The following TMPRSS11E variants were observed in gnomAD, a reference collection of about 807,000 sequenced individuals.
TMPRSS11E encodes the protein transmembrane serine protease 11E, also known as transmembrane protease serine 11E.
Under a neutral mutation model 48.1 loss-of-function variants are expected in TMPRSS11E, and 38 were observed. The observed-to-expected ratio is 0.79, with a 90% CI of 0.61 to 1.04. The LOEUF (loss-of-function observed/expected upper bound fraction) is 1.04. Ranked by LOEUF, TMPRSS11E falls within the 50% of genes least tolerant of loss-of-function variation. The pLI is 0.00. For synonymous variants in TMPRSS11E, 158 were observed against 171.9 expected, an observed-to-expected ratio of 0.92 and a Z score of 0.63; for missense variants, 530 against 510.8, an observed-to-expected ratio of 1.04 and a Z score of -0.36.
At chr4:68,480,227 C>G (rs2109704102) in intron 9 of TMPRSS11E, among the ~76,000 whole-genome samples, 1 of 151,894 alleles carries the variant, frequency 6.6e-6, no homozygotes, top group East Asian at 1.9e-4. Context: ...TCAGTCCCAC[C>G]TTCTTTCTTC....
intron 2 of TMPRSS11E, among the ~76,000 whole-genome samples, chr4:68,465,179 A>G (rs1397626647): frequency 6.6e-6 from 1 of 152,148 alleles, no homozygotes; most frequent in Non-Finnish European, 1.5e-5. Flanking sequence ...GTGAGGAAGG[A>G]TGGAGGAAGA....
intron 9 of TMPRSS11E, among the ~76,000 whole-genome samples, chr4:68,493,435 C>T (rs984946997): frequency 1.3e-5 from 2 of 152,064 alleles, no homozygotes; most frequent in African/African-American, 4.8e-5. Flanking sequence ...TTACAATATT[C>T]TACTTTCTTA....
intron 2 of TMPRSS11E, 66 bp downstream of exon 2, chr4:68,462,011 G>T (rs770396995): frequency 2.5e-6 from 4 of 1,597,288 alleles, no homozygotes; most frequent in South Asian, 2.2e-5. Flanking sequence ...TTGCTGTTTT[G>T]ATTTGCCTCA....
chr4:68,467,068 G>GTTCCTAAATATAT (rs1728947373), intron 3 of TMPRSS11E, among the ~76,000 whole-genome samples: 1 of 151,940 alleles, frequency 6.6e-6, no homozygotes, highest in Non-Finnish European at 1.5e-5. Flanking sequence ...AAATATATTT[G>GTTCCTAAATATAT]TTGTATCCTA....
In TMPRSS11E at chr4:68,484,009, T is replaced by G. The variant is rs184607948; in HGVS notation, c.1110+5018T>G. Among the ~76,000 whole-genome samples, 5 of 152,240 alleles carry G rather than the reference T, an allele frequency of 3.3e-5. No homozygotes were observed. The East Asian group carries it at 9.7e-4, about 29-fold the overall frequency. ...TTGATCTATGTGTCTACTTTTTTTGTACTAGCACCATGATCTTCTGGTTAC... is the reference window on the plus strand; with the variant it reads ...TTGATCTATGTGTCTACTTTTTTTGGACTAGCACCATGATCTTCTGGTTAC... On this transcript the variant is annotated intron_variant, in intron 9 of 9. Transcript: ENST00000305363.
intron 4 of TMPRSS11E, among the ~76,000 whole-genome samples, 185 bp from the exon 5 acceptor site, chr4:68,471,275 T>C (rs1195083209): frequency 1.3e-5 from 2 of 150,608 alleles, no homozygotes; most frequent in Non-Finnish European, 3.0e-5. Context: ...CTCTCCTTCC[T>C]CCCCTCCATT....
chr4:68,478,753 C>T (rs1729314822), intron 8 of TMPRSS11E, 96 bp from the exon 9 acceptor site: 4 of 1,365,376 alleles, frequency 2.9e-6, no homozygotes, highest in Non-Finnish European at 3.1e-6. Flanking sequence ...CCGTGCCTGG[C>T]CTGTATCACC....
At chr4:68,479,132 A>C in intron 9 of TMPRSS11E, 141 bp downstream of exon 9, 93 of 936,586 alleles carry the variant, frequency 9.9e-5, no homozygotes, top group Non-Finnish European at 1.3e-4. Flanking sequence ...ATTACATCTC[A>C]CATAACTATA....
Position 68,496,673 on chromosome 4 carries a change from G to T in TMPRSS11E, c.1141G>T (p.Asp381Tyr). 1 of 1,613,512 alleles carries T rather than the reference G, an allele frequency of 6.2e-7. No individual in the cohort carries two copies. Among genetic ancestry groups the T allele is most frequent in the Non-Finnish European group, 8.5e-7 (1 of 1,179,600 alleles). Residue 381 changes from aspartate to tyrosine, a missense_variant, in exon 10 of 10, where the codon GAT becomes TAT. By Grantham distance (160) the Asp-to-Tyr change is radical. Transcript: ENST00000305363. ...GDSGGPLVSS[D>Y]ARDIWYLAGI... ...CTCTGGAGGACCACTGGTTAGTTCA[G>T]ATGCTAGAGATATCTGGTACCTTGC...
At position 68,471,510 on chromosome 4, in the gene TMPRSS11E, A is replaced by C. The variant is rs779306840; in HGVS notation, c.377A>C (p.His126Pro). 5 of 1,603,418 alleles carry C rather than the reference A, an allele frequency of 3.1e-6. No individual in the cohort carries two copies. The highest frequency in any genetic ancestry group is 4.3e-6 in the Non-Finnish European group (5 of 1,175,882). The part of the protein sequence containing the change: ...LAHMLLICRF[H>P]STEDPETVDK... Reference sequence around the variant, plus strand: ...CATATGCTGTTGATTTGTAGATTTCACTCTACTGAGGATCCTGAAACTGTA... The same window carrying C: ...CATATGCTGTTGATTTGTAGATTTCCCTCTACTGAGGATCCTGAAACTGTA... The change falls in exon 5 of 10, where the codon CAC (histidine) becomes CCC (proline). Residue 126 changes from histidine to proline, a missense_variant. Transcript: ENST00000305363.
chr4:68,484,363 G>A (rs1729493605), intron 9 of TMPRSS11E, among the ~76,000 whole-genome samples: 1 of 152,130 alleles, frequency 6.6e-6, no homozygotes, highest in South Asian at 2.1e-4. Context: ...CTGGAGTGCA[G>A]TGCCACAACT....
intron 1 of TMPRSS11E, among the ~76,000 whole-genome samples, chr4:68,456,491 C>T (rs1327997278): frequency 6.6e-6 from 1 of 151,660 alleles, no homozygotes; most frequent in African/African-American, 2.4e-5. Flanking sequence ...ATATATAATC[C>T]ATGCACGTAT....
intron 1 of TMPRSS11E, among the ~76,000 whole-genome samples, chr4:68,459,348 G>A (rs761806252): frequency 1.3e-5 from 2 of 151,262 alleles, no homozygotes; most frequent in African/African-American, 2.4e-5. Context: ...TATGTCTCTC[G>A]CTCTCTTTTT....
At chr4:68,471,689 A>G in intron 5 of TMPRSS11E, 66 bp downstream of exon 5, 1 of 1,336,840 alleles carries the variant, frequency 7.5e-7, no homozygotes, top group African/African-American at 1.5e-5. Context: ...CTTGGCACTT[A>G]TTAAAAAATT....
intron 3 of TMPRSS11E, among the ~76,000 whole-genome samples, chr4:68,467,525 A>G (rs1383392678): frequency 6.6e-6 from 1 of 152,170 alleles, no homozygotes; most frequent in Non-Finnish European, 1.5e-5. Flanking sequence ...TGTATCTCCA[A>G]TGGTATCTAC....
At position 68,496,668 on chromosome 4, in the gene TMPRSS11E, G is replaced by T. The variant is rs1729875002; in HGVS notation, c.1136G>T (p.Ser379Ile). 6.2e-7 allele frequency: 1 copy of T among 1,613,492 alleles called. No homozygotes were observed. The highest frequency in any genetic ancestry group is 1.3e-5 in the African/African-American group (1 of 75,002). The change falls in exon 10 of 10, where the codon AGT becomes ATT. Residue 379 changes from serine to isoleucine, a missense_variant. By Grantham distance (142) the Ser-to-Ile change is moderately radical (BLOSUM62 -2). Transcript: ENST00000305363. ...GGTGACTCTGGAGGACCACTGGTTA[G>T]TTCAGATGCTAGAGATATCTGGTAC... is the stretch of plus-strand genomic sequence containing the variant. ...CQGDSGGPLV[S>I]SDARDIWYLA...
intron 6 of TMPRSS11E, among the ~76,000 whole-genome samples, chr4:68,475,676 A>G (rs1485820336): frequency 1.3e-5 from 2 of 152,066 alleles, no homozygotes; most frequent in South Asian, 2.1e-4. Flanking sequence ...CTTAAACAAC[A>G]CTTCTCAACC....
intron 2 of TMPRSS11E, among the ~76,000 whole-genome samples, chr4:68,462,708 TGTATTGTTGAGTAA>T (rs2109675274): frequency 6.6e-6 from 1 of 152,302 alleles, no homozygotes; most frequent in Non-Finnish European, 1.5e-5. Flanking sequence ...GTCATAGTGA[TGTATTGTTGAGTAA>T]GTGCCTATTT....
At chr4:68,476,193 C>T in intron 6 of TMPRSS11E, 68 bp from the exon 7 acceptor site, 1 of 1,599,846 alleles carries the variant, frequency 6.3e-7, no homozygotes, top group Non-Finnish European at 8.6e-7. Flanking sequence ...CATAGTAACA[C>T]AATTTGATGT....
Sources: gnomAD v4.1 joint callset for allele counts (sites outside exome capture counted in the v4.1 genomes callset) on GRCh38, gnomAD v4.1.1 for gene constraint, MANE v1.5 for transcripts, NCBI Gene and HGNC (gene_info 2026-07-23, HGNC 2026-07-21) for gene names.